The following RASSF8 variants were observed in gnomAD, a reference collection of about 807,000 sequenced individuals.
RASSF8 encodes Ras association domain family member 8, also known as ras association domain-containing protein 8.
A neutral mutation model predicts 48.5 loss-of-function variants in RASSF8; 22 were observed. The ratio of observed to expected loss-of-function variants is 0.45; its 90% confidence interval spans 0.32 to 0.65. The LOEUF is 0.65. RASSF8 is among the 30% of genes least tolerant of loss of function. The probability of loss-of-function intolerance (pLI) is 0.03; values close to 1 mark genes in which losing one functional copy is unlikely to be tolerated. For synonymous variants in RASSF8, 127 were observed against 171.5 expected, an observed-to-expected ratio of 0.74 and a Z score of 2.03; for missense variants, 418 against 489.2, an observed-to-expected ratio of 0.85 and a Z score of 1.37.
chr12:26,019,114 C>T (rs1011420719), intron 2 of RASSF8, among the ~76,000 whole-genome samples: 6 of 152,074 alleles, frequency 3.9e-5, no homozygotes, highest in Non-Finnish European at 5.9e-5. Context: ...ATGGAGTGAT[C>T]GTAGCTGTCC....
chr12:26,064,936 A>C lies in RASSF8; in HGVS notation c.542A>C (p.Glu181Ala), dbSNP rs766598221. The stretch of plus-strand genomic sequence containing the variant: ...CAGACAGAGAAGCTTCAATCCATTG[A>C]GAAACAGCTGGAATCTAATGAAATA... ...RLQTEKLQSI[E>A]KQLESNEIEI... Residue 181 changes from glutamate (E) to alanine (A), a missense_variant, in exon 4 of 6, where the codon GAG (glutamate) becomes GCG (alanine). Coordinates refer to ENST00000689635, the MANE Select transcript of RASSF8 (RefSeq NM_001394098.1). The C allele has an allele frequency of 6.2e-7, 1 of 1,614,164 alleles. No homozygotes were observed. Among genetic ancestry groups the C allele is most frequent in the Non-Finnish European group, 8.5e-7 (1 of 1,180,006 alleles).
chr12:26,005,164 G>GGT (rs34419551), intron 2 of RASSF8, among the ~76,000 whole-genome samples: 20,007 of 149,908 alleles, frequency 0.13, 1,635 homozygotes, highest in African/African-American at 0.24. Context: ...TTACGGATGG[G>GGT]GTGTGTGTGT....
At chr12:26,055,779 C>T (rs950696421) in intron 3 of RASSF8, among the ~76,000 whole-genome samples, 1 of 152,204 alleles carries the variant, frequency 6.6e-6, no homozygotes, top group Non-Finnish European at 1.5e-5. Context: ...TCTTAGTTCC[C>T]AGAATCCCTC....
chr12:26,043,113 G>A (rs1565633226), intron 2 of RASSF8, among the ~76,000 whole-genome samples: 1 of 152,156 alleles, frequency 6.6e-6, no homozygotes, highest in Non-Finnish European at 1.5e-5. Context: ...GGGTTCCAGA[G>A]GTAATAGGAC....
chr12:25,958,654 G>T (rs1254159422), upstream of RASSF8: 1 of 145,672 alleles, frequency 6.9e-6, no homozygotes, highest in Non-Finnish European at 1.5e-5. Context: ...GCCCGGCCCG[G>T]CCCGGCCCCC....
chr12:26,027,085 G>A (rs1942930645), intron 2 of RASSF8, among the ~76,000 whole-genome samples: 1 of 152,144 alleles, frequency 6.6e-6, no homozygotes, highest in African/African-American at 2.4e-5. Flanking sequence ...CTACAATATG[G>A]ATGATTCTTG....
chr12:26,065,454 T>G (rs1943852291), intron 4 of RASSF8, 67 bp downstream of exon 4: 1 of 1,483,718 alleles, frequency 6.7e-7, no homozygotes, highest in African/African-American at 1.4e-5. Context: ...AATCTCCTTT[T>G]CATCATTGTC....
At chr12:25,990,078 A>G (rs9988967) in intron 1 of RASSF8, among the ~76,000 whole-genome samples, 11,249 of 152,230 alleles carry the variant, frequency 0.074, 615 homozygotes, top group African/African-American at 0.15. Flanking sequence ...TTGAGTGCCT[A>G]TTATTACTTT....
At chr12:26,008,088 A>T (rs1029713410) in intron 2 of RASSF8, among the ~76,000 whole-genome samples, 1 of 152,156 alleles carries the variant, frequency 6.6e-6, no homozygotes, top group Non-Finnish European at 1.5e-5. Flanking sequence ...CCTGGCTAAC[A>T]TGGTGAAACC....
At chr12:26,034,406 T>TAA (rs11344442) in intron 2 of RASSF8, among the ~76,000 whole-genome samples, 71 of 144,450 alleles carry the variant, frequency 4.9e-4, no homozygotes, top group Admixed American at 2.6e-3. Context: ...GCAGATGAAG[T>TAA]AAAAAAAAAA....
chr12:25,995,356 T>G (rs2136960512), intron 2 of RASSF8, among the ~76,000 whole-genome samples: 1 of 152,298 alleles, frequency 6.6e-6, no homozygotes, highest in South Asian at 2.1e-4. Flanking sequence ...GGTCCAAATT[T>G]GGGTCGACAC....
chr12:25,986,926 T>TTTTG (rs1555160451), intron 1 of RASSF8, among the ~76,000 whole-genome samples: 28,500 of 145,946 alleles, frequency 0.2, 2,724 homozygotes, highest in African/African-American at 0.23. Flanking sequence ...CGTTTTTTTT[T>TTTTG]TTTGTTTGTT....
At chr12:25,971,960 T>C (rs903842041) in intron 1 of RASSF8, among the ~76,000 whole-genome samples, 3 of 152,224 alleles carry the variant, frequency 2.0e-5, no homozygotes, top group Non-Finnish European at 4.4e-5. Flanking sequence ...AGGATCCATA[T>C]TTAGTTATCC....
intron 2 of RASSF8, among the ~76,000 whole-genome samples, chr12:26,019,230 T>G (rs1368873508): frequency 1.3e-5 from 2 of 152,162 alleles, no homozygotes; most frequent in Non-Finnish European, 2.9e-5. Flanking sequence ...GAGGTAAGTT[T>G]TGCTCATGAG....
intron 2 of RASSF8, among the ~76,000 whole-genome samples, chr12:26,054,173 A>G: frequency 6.6e-6 from 1 of 152,252 alleles, no homozygotes; most frequent in Non-Finnish European, 1.5e-5. Context: ...GAAGACCACA[A>G]AACAATGGAC....
At chr12:26,000,591 G>A (rs529253556) in intron 2 of RASSF8, among the ~76,000 whole-genome samples, 2 of 152,002 alleles carry the variant, frequency 1.3e-5, no homozygotes, top group Non-Finnish European at 2.9e-5. Flanking sequence ...ATTGTTGTTG[G>A]GGTGCGAAAA....
At chr12:26,058,538 G>GCGCACGCGCA (rs377669426) in intron 3 of RASSF8, among the ~76,000 whole-genome samples, 1 of 148,998 alleles carries the variant, frequency 6.7e-6, no homozygotes, top group Non-Finnish European at 1.5e-5. Context: ...ACGCGCGCGC[G>GCGCACGCGCA]CACACACACA....
chr12:26,019,619 G>A (rs1310109201), intron 2 of RASSF8, among the ~76,000 whole-genome samples: 3 of 150,916 alleles, frequency 2.0e-5, no homozygotes, highest in Non-Finnish European at 4.4e-5. Context: ...GTGTGTCTGT[G>A]TGTATAACTA....
At chr12:26,008,965 G>A (rs1309496040) in intron 2 of RASSF8, among the ~76,000 whole-genome samples, 1 of 152,118 alleles carries the variant, frequency 6.6e-6, no homozygotes, top group Non-Finnish European at 1.5e-5. Flanking sequence ...TATTCACAGA[G>A]CCTGAATTAC....
Sources: gnomAD v4.1 joint callset for allele counts (sites outside exome capture counted in the v4.1 genomes callset) on GRCh38, gnomAD v4.1.1 for gene constraint, MANE v1.5 for transcripts, NCBI Gene and HGNC (gene_info 2026-07-23, HGNC 2026-07-21) for gene names.